The following SFPQ variants were observed in gnomAD, a reference collection of about 807,000 sequenced individuals.
SFPQ encodes the protein splicing factor, proline- and glutamine-rich.
SFPQ carries 11 observed loss-of-function variants against 72.9 expected under a neutral mutation model. The ratio of observed to expected loss-of-function variants is 0.15; its 90% confidence interval spans 0.09 to 0.25. The LOEUF (loss-of-function observed/expected upper bound fraction) is 0.25. Ranked by LOEUF, SFPQ falls within the 10% of genes least tolerant of loss-of-function variation. SFPQ has a pLI of 1.00. For missense variants in SFPQ, 847 were observed against 993.3 expected (o/e 0.85, Z 1.98); for synonymous variants, 506 against 367.3 (o/e 1.38, Z -4.32).
chr1:35,182,921 T>G (rs1289020281), downstream of SFPQ: 1 of 1,045,802 alleles, frequency 9.6e-7, no homozygotes, highest in Non-Finnish European at 1.2e-6. Flanking sequence ...GACAATTAAC[T>G]GACAACACCA....
chr1:35,179,733 AGTT>A, downstream of SFPQ: 1 of 1,056,834 alleles, frequency 9.5e-7, no homozygotes, highest in Non-Finnish European at 1.1e-6. Context: ...ACCCCAATAA[AGTT>A]CCTGAAGTCC....
At chr1:35,187,757 A>T (rs1038263554) in intron 7 of SFPQ, among the ~76,000 whole-genome samples, 1 of 152,094 alleles carries the variant, frequency 6.6e-6, no homozygotes, top group South Asian at 2.1e-4. Flanking sequence ...AAACAAAAAA[A>T]CAAAACAAAA....
At chr1:35,188,853 C>G (rs986689164) in intron 6 of SFPQ, 150 bp downstream of exon 6, 1 of 645,998 alleles carries the variant, frequency 1.5e-6, no homozygotes, top group South Asian at 1.8e-5. Context: ...CCCAGCTGAT[C>G]GGGAGGCTGA....
At position 35,183,031 on chromosome 1, in the gene SFPQ, T is replaced by C. The variant is rs960976290; in HGVS notation, c.*1425A>G. 4.1e-5 allele frequency: 42 copies of C among 1,035,670 alleles called. No individual in the cohort carries two copies. Among genetic ancestry groups the C allele is most frequent in the African/African-American group, 5.1e-5 (3 of 59,352 alleles). 64.2% of individuals were successfully genotyped at this position (1,035,670 alleles called of 1,614,324 possible). On this transcript the variant is annotated 3_prime_UTR_variant, in exon 10 of 10. Transcript: ENST00000357214. ...TTAGTGCTACATGAAAACGAAACTA[T>C]GTGAAAACAAGTTAAATTTACAATA...
Position 35,192,977 on chromosome 1 carries a change from G to GGCC in SFPQ, c.70_72dup (p.Gly24dup), listed in dbSNP as rs1338983687. On this transcript the variant is annotated inframe_insertion, in exon 1 of 10. Transcript: ENST00000357214. ...GAACGGAAGTCGTGGAGGCCGCCGC[G>GGCC]GCCGCCGCCTCCTCCACGCCTGTGG... The GGCC allele has an allele frequency of 1.9e-6, 3 of 1,573,716 alleles. No homozygotes were observed. Among genetic ancestry groups the GGCC allele is most frequent in the Middle Eastern group, 1.7e-4 (1 of 5,990 alleles).
intron 1 of SFPQ, among the ~76,000 whole-genome samples, chr1:35,191,963 G>A (rs1640022748): frequency 1.3e-5 from 2 of 152,176 alleles, no homozygotes; most frequent in African/African-American, 4.8e-5. Flanking sequence ...GATACCTTCT[G>A]CAGGGCCGAC....
In SFPQ at chr1:35,189,369, G is replaced by T. The variant is rs779757322; in HGVS notation, c.1429C>A (p.Pro477Thr). ...GTGCCATGCTGGGCAAAACGAGGAGGGGTTTCTCTCTCCCTAACAATACAC... is the reference window on the plus strand; with the variant it reads ...GTGCCATGCTGGGCAAAACGAGGAGTGGTTTCTCTCTCCCTAACAATACAC... ...NPMYQKERET[P>T]PRFAQHGTFE... The change falls in exon 5 of 10, where the codon CCT becomes ACT. Residue 477 changes from proline (P) to threonine (T), a missense_variant. Physicochemically the swap from Pro to Thr is conservative, Grantham distance 38 (BLOSUM62 -1). This residue lies in a region of SFPQ where 132 missense variants were observed against 255.4 expected (regional missense o/e 0.52). Transcript: ENST00000357214. The T allele has an allele frequency of 3.7e-6, 6 of 1,613,526 alleles. No individual in the cohort carries two copies. Among genetic ancestry groups the T allele is most frequent in the Non-Finnish European group, 5.1e-6 (6 of 1,179,756 alleles).
downstream of SFPQ, chr1:35,178,446 T>C (rs1411970123): frequency 3.8e-6 from 4 of 1,063,744 alleles, no homozygotes; most frequent in Non-Finnish European, 3.4e-6. Context: ...ATGTCTTCCA[T>C]TGTCAGGCAG....
downstream of SFPQ, chr1:35,180,639 C>CA: frequency 1.9e-6 from 2 of 1,052,210 alleles, no homozygotes; most frequent in Non-Finnish European, 2.3e-6. Flanking sequence ...AATCGCATTA[C>CA]AAAAAAACCT....
rs1043572798 is a variant in SFPQ, at chr1:35,192,795, A to G, written c.255T>C (p.His85=). 1.3e-6 allele frequency: 2 copies of G among 1,500,888 alleles called. No homozygotes were observed. The highest frequency in any genetic ancestry group is 1.2e-5 in the South Asian group (1 of 80,158). 93.0% of individuals were successfully genotyped at this position (1,500,888 alleles called of 1,614,324 possible). The change falls in exon 1 of 10, where the codon CAT becomes CAC. Residue 85 remains histidine, a synonymous_variant. Transcript: ENST00000357214. ...QQPPPQQPPP[H]QPPPHPQPHQ... ...GCGGCTGTGGATGCGGCGGCGGCTG[A>G]TGCGGTGGCGGCTGCTGCGGCGGTG...
chr1:35,188,673 A>C (rs1423977312), intron 6 of SFPQ, among the ~76,000 whole-genome samples: 1 of 152,196 alleles, frequency 6.6e-6, no homozygotes, highest in African/African-American at 2.4e-5. Context: ...AAGAAAAAAA[A>C]TGGCCAAGCG....
At chr1:35,179,988 T>G (rs1026057567), downstream of SFPQ, 1 of 1,050,018 alleles carries the variant, frequency 9.5e-7, no homozygotes, top group African/African-American at 1.7e-5. Context: ...GCTAAACTAG[T>G]CATCATTTGC....
chr1:35,186,745 T>C (rs1639738376), intron 9 of SFPQ, among the ~76,000 whole-genome samples: 1 of 152,172 alleles, frequency 6.6e-6, no homozygotes, highest in South Asian at 2.1e-4. Context: ...ATCTACTTAT[T>C]GCCAAAGGTA....
rs1639574404 is a variant in SFPQ at position 35,183,623 on chromosome 1, A to C, written c.*833T>G. 9.7e-7 allele frequency: 1 copy of C among 1,032,250 alleles called. No individual in the cohort carries two copies. The highest frequency in any genetic ancestry group is 1.2e-6 in the Non-Finnish European group (1 of 858,126). The allele number at this position is 1,032,250 out of a possible 1,614,324, so 63.9% of individuals were successfully genotyped here. ...ACTTCATGTTTAACATCTTTAATTC[A>C]AATGTAAAAGTTCAATACAAGCCAT... On this transcript the variant is annotated 3_prime_UTR_variant, in exon 10 of 10. Coordinates refer to ENST00000357214, the MANE Select transcript of SFPQ (RefSeq NM_005066.3).
chr1:35,191,114 T>TA lies in SFPQ; in HGVS notation c.1018-120dup, dbSNP rs1011382578. The stretch of plus-strand genomic sequence containing the variant: ...TTCAGCTCAGTTCGACCATTACCTT[T>TA]AGGCAGCACCCACTAACACCACTTA... On this transcript the variant is annotated intron_variant, in intron 2 of 9. Transcript: ENST00000357214. 3.1e-6 allele frequency: 3 copies of TA among 955,810 alleles called. No individual in the cohort carries two copies. The African/African-American group carries it at 5.0e-5, about 16-fold the overall frequency. 59.2% of individuals were successfully genotyped at this position (955,810 alleles called of 1,614,324 possible). A position where few individuals can be genotyped will look rare whatever the true frequency, so the allele number is the denominator to read the frequency against.
chr1:35,182,362 CCTCA>C (rs1416351783), downstream of SFPQ: 5 of 985,370 alleles, frequency 5.1e-6, no homozygotes, highest in South Asian at 1.4e-4. Flanking sequence ...GACAAAACTT[CCTCA>C]CTGATATAAT....
At chr1:35,180,407 T>C, downstream of SFPQ, 10 of 1,045,664 alleles carry the variant, frequency 9.6e-6, no homozygotes, top group Non-Finnish European at 1.2e-5. Context: ...TCTGAACATA[T>C]GCAGTCATCC....
In SFPQ at chr1:35,189,196, A is replaced by G. The variant is rs1639875131; in HGVS notation, c.1602T>C (p.Leu534=). Residue 534 remains leucine (L), a synonymous_variant, in exon 5 of 10, where the codon CTT becomes CTC. Coordinates refer to ENST00000357214, the MANE Select transcript of SFPQ (RefSeq NM_005066.3). The part of the protein sequence containing the change: ...EDAYHEHQAN[L]LRQDLMRRQE... ...CACAGGTCTTTTTACCTTGGCGCAA[A>G]AGATTTGCCTGATGTTCATGATAGG... 8.7e-6 allele frequency: 14 copies of G among 1,613,774 alleles called. No individual in the cohort carries two copies. In the East Asian group the frequency reaches 3.1e-4, roughly 36 times the overall value.
downstream of SFPQ, chr1:35,178,929 G>GC (rs1431391254): frequency 2.2e-5 from 23 of 1,051,218 alleles, no homozygotes; most frequent in Non-Finnish European, 2.6e-5. Flanking sequence ...GTGTTCAAAA[G>GC]CAACGTTTTT....
Sources: allele counts gnomAD v4.1 joint callset (sites outside exome capture counted in the v4.1 genomes callset), GRCh38; gene constraint gnomAD v4.1.1; regional missense constraint gnomAD v4.1.1; transcripts MANE v1.5; gene names NCBI Gene and HGNC (gene_info 2026-07-23, HGNC 2026-07-21).